The following PCNX4 variants were observed in gnomAD, a reference collection of about 807,000 sequenced individuals.
PCNX4 encodes the protein pecanex 4.
PCNX4 carries 103 observed loss-of-function variants against 107.2 expected under a neutral mutation model. The observed-to-expected ratio is 0.96, with a 90% CI of 0.82 to 1.13. The LOEUF is 1.13. PCNX4 is among the 50% of genes most tolerant of loss of function. PCNX4 has a pLI of 0.00. For missense variants in PCNX4, 1,528 were observed against 1,379.4 expected, an observed-to-expected ratio of 1.11 and a Z score of -1.71; for synonymous variants, 541 against 481.7, an observed-to-expected ratio of 1.12 and a Z score of -1.61.
intron 10 of PCNX4, among the ~76,000 whole-genome samples, chr14:60,129,227 C>T (rs892781132): frequency 3.1e-5 from 4 of 130,368 alleles, no homozygotes; most frequent in East Asian, 4.6e-4. Flanking sequence ...GCAACAAGAG[C>T]GAGACTCCAT....
intron 1 of PCNX4, among the ~76,000 whole-genome samples, chr14:60,099,306 G>C (rs1252549959): frequency 6.6e-6 from 1 of 152,072 alleles, no homozygotes; most frequent in Non-Finnish European, 1.5e-5. Context: ...TAAAACTTTG[G>C]TATATTTCCT....
chr14:60,106,078 C>G (rs893294498), intron 1 of PCNX4, among the ~76,000 whole-genome samples: 1 of 152,128 alleles, frequency 6.6e-6, no homozygotes, highest in South Asian at 2.1e-4. Context: ...CAAGCTCGTA[C>G]GGAGGGGAAG....
intron 6 of PCNX4, 133 bp from the exon 7 acceptor site, chr14:60,118,196 C>G: frequency 1.6e-6 from 2 of 1,247,572 alleles, no homozygotes; most frequent in Non-Finnish European, 2.1e-6. Flanking sequence ...ACAAAAAAAT[C>G]AAAGAATAAG....
In PCNX4 at chr14:60,107,742, G is replaced by T; in HGVS notation, c.104G>T (p.Cys35Phe). ...LGGPRFKLGY[C>F]APPYIYVNQI... ...GGCCCTCGATTCAAATTAGGCTATTGTGCCCCTCCTTACATATATGTTAAT... is the reference window on the plus strand; with the variant it reads ...GGCCCTCGATTCAAATTAGGCTATTTTGCCCCTCCTTACATATATGTTAAT... Residue 35 changes from cysteine to phenylalanine, a missense_variant, in exon 2 of 11, where the codon TGT (cysteine) becomes TTT (phenylalanine). By Grantham distance (205) the Cys-to-Phe change is radical. Transcript: ENST00000406854. 6.2e-7 allele frequency: 1 copy of T among 1,612,626 alleles called. No homozygotes were observed. The highest frequency in any genetic ancestry group is 2.2e-5 in the East Asian group (1 of 44,864).
At position 60,116,018 on chromosome 14, in the gene PCNX4, A is replaced by G. The variant is rs1265791221; in HGVS notation, c.1536A>G (p.Ile512Met). ...TACACTTGATCTCCAGTACAGACAT[A>G]TGGTGGAACAGAAGCCTGGATACAG... ...STVHLISSTD[I>M]WWNRSLDTGL... The change falls in exon 6 of 11, where the codon ATA becomes ATG. Residue 512 changes from isoleucine (I) to methionine (M), a missense_variant. By Grantham distance (10) the Ile-to-Met change is conservative (BLOSUM62 1). Coordinates refer to ENST00000406854, the MANE Select transcript of PCNX4 (RefSeq NM_001330177.2). The G allele has an allele frequency of 7.4e-6, 12 of 1,612,750 alleles. No individual in the cohort carries two copies. Among genetic ancestry groups the G allele is most frequent in the South Asian group, 1.1e-5 (1 of 90,766 alleles).
intron 7 of PCNX4, among the ~76,000 whole-genome samples, chr14:60,120,437 G>A (rs183497429): frequency 3.9e-5 from 6 of 152,192 alleles, no homozygotes; most frequent in Admixed American, 3.9e-4. Flanking sequence ...TATCAGGTAG[G>A]GGGTTCCCAG....
chr14:60,117,224 T>C (rs146312821), intron 6 of PCNX4, among the ~76,000 whole-genome samples: 4 of 152,206 alleles, frequency 2.6e-5, no homozygotes, highest in African/African-American at 7.2e-5. Flanking sequence ...CTCACTCACT[T>C]AGAGCAACTT....
intron 1 of PCNX4, among the ~76,000 whole-genome samples, chr14:60,094,225 C>G (rs889916893): frequency 6.6e-6 from 1 of 152,106 alleles, no homozygotes; most frequent in Non-Finnish European, 1.5e-5. Context: ...GTACTGGATA[C>G]CAACCCCCTC....
intron 1 of PCNX4, among the ~76,000 whole-genome samples, chr14:60,103,485 G>T (rs577414367): frequency 9.9e-5 from 15 of 152,224 alleles, no homozygotes; most frequent in African/African-American, 3.6e-4. Context: ...TATTCTGTGG[G>T]ATATATGATC....
At position 60,140,671 on chromosome 14, in the gene PCNX4, T is replaced by G. The variant is rs1224093860; in HGVS notation, c.*6450T>G. 6.6e-6 allele frequency: 1 copy of G among 151,898 alleles called. No individual in the cohort carries two copies. The highest frequency in any genetic ancestry group is 2.4e-5 in the African/African-American group (1 of 41,322). 9.4% of individuals were successfully genotyped at this position (151,898 alleles called of 1,614,324 possible). ...CAAGTTGGGTTTCTTCCTGAAAAAG[T>G]GAGGTTGGTGTGATAGTTGCAAATC... On this transcript the variant is annotated 3_prime_UTR_variant, in exon 11 of 11. Transcript: ENST00000406854. The surrounding 1 kb of genome is among the most constrained non-coding windows in gnomAD (Gnocchi z 4.2).
chr14:60,141,503 TATACAC>T lies in PCNX4; in HGVS notation c.*7285_*7290del, dbSNP rs1301466223. On this transcript the variant is annotated 3_prime_UTR_variant, in exon 11 of 11. Transcript: ENST00000406854. ...TGAGGAAATACTGTAACTTTCGGCT[TATACAC>T]ATGACAACTTAGAAGAAATAATCTG... is the stretch of plus-strand genomic sequence containing the variant. The T allele has an allele frequency of 2.0e-5, 3 of 152,368 alleles. No individual in the cohort carries two copies. The highest frequency in any genetic ancestry group is 7.2e-5 in the African/African-American group (3 of 41,582). The allele number at this position is 152,368 out of a possible 1,614,324, so 9.4% of individuals were successfully genotyped here.
intron 2 of PCNX4, among the ~76,000 whole-genome samples, chr14:60,111,765 A>C (rs1413913290): frequency 6.6e-6 from 1 of 152,162 alleles, no homozygotes; most frequent in African/African-American, 2.4e-5. Flanking sequence ...ATATAGTTTT[A>C]ATGTTTAAGA....
chr14:60,127,607 A>G lies in PCNX4; in HGVS notation c.3267+1784A>G, dbSNP rs76876623. On this transcript the variant is annotated intron_variant, in intron 10 of 10. Coordinates refer to ENST00000406854, the MANE Select transcript of PCNX4 (RefSeq NM_001330177.2). ...ACTACAATAAGCCAGCCAATCACTA[A>G]ACAAACAAGTACATAATAATAACAA... Among the ~76,000 whole-genome samples the G allele has an allele frequency of 3.3e-3, 507 of 152,334 alleles. 17 individuals are homozygous for G. The East Asian group carries it at 0.056, about 17-fold the overall frequency.
At chr14:60,105,740 A>G (rs1010472408) in intron 1 of PCNX4, among the ~76,000 whole-genome samples, 9 of 152,240 alleles carry the variant, frequency 5.9e-5, no homozygotes, top group African/African-American at 2.2e-4. Flanking sequence ...GAATAGGGAT[A>G]CTAACATTCA....
In PCNX4 at chr14:60,146,519, A is replaced by C. The variant is rs1896410430; in HGVS notation, c.*12298A>C. ...AAATAGAATTACCATCTGATCCAGC[A>C]ATTCCACTTAAGGGTATAAATCTAA... On this transcript the variant is annotated 3_prime_UTR_variant, in exon 11 of 11. Coordinates refer to ENST00000406854, the MANE Select transcript of PCNX4 (RefSeq NM_001330177.2). The surrounding 1 kb of genome is among the most constrained non-coding windows in gnomAD (Gnocchi z 4.9). The C allele has an allele frequency of 1.3e-5, 2 of 152,330 alleles. No homozygotes were observed. Among genetic ancestry groups the C allele is most frequent in the South Asian group, 2.1e-4 (1 of 4,830 alleles). The allele number at this position is 152,330 out of a possible 1,614,324, so 9.4% of individuals were successfully genotyped here. A position where few individuals can be genotyped will look rare whatever the true frequency, so the allele number is the denominator to read the frequency against.
At chr14:60,107,521 GT>G in intron 1 of PCNX4, 64 bp from the exon 2 acceptor site, 1 of 889,832 alleles carries the variant, frequency 1.1e-6, no homozygotes, top group South Asian at 1.9e-5. Context: ...GTAATGTGAG[GT>G]TTTTCCTCAT....
At chr14:60,130,464 A>G (rs1282650829) in intron 10 of PCNX4, among the ~76,000 whole-genome samples, 5 of 152,160 alleles carry the variant, frequency 3.3e-5, no homozygotes, top group African/African-American at 7.2e-5. Context: ...AAAAACTCAC[A>G]GTGAACATCA....
Position 60,108,219 on chromosome 14 carries a change from A to G in PCNX4, c.581A>G (p.Asn194Ser). ...ATAGCAGAATATTCTTTAATTGTAAACACAGCTACAGAGACTGCGACTTTC... is the reference window on the plus strand; with the variant it reads ...ATAGCAGAATATTCTTTAATTGTAAGCACAGCTACAGAGACTGCGACTTTC... Reference protein sequence around the residue: ...LCIAEYSLIVNTATETATFQT... With the variant: ...LCIAEYSLIVSTATETATFQT... The change falls in exon 2 of 11, where the codon AAC (asparagine) becomes AGC (serine). Residue 194 changes from asparagine (N) to serine (S), a missense_variant. By Grantham distance (46) the Asn-to-Ser change is conservative. Coordinates refer to ENST00000406854, the MANE Select transcript of PCNX4 (RefSeq NM_001330177.2). 6.2e-7 allele frequency: 1 copy of G among 1,612,730 alleles called. No individual in the cohort carries two copies. The highest frequency in any genetic ancestry group is 8.5e-7 in the Non-Finnish European group (1 of 1,179,748).
chr14:60,117,653 C>T (rs1216545563), intron 6 of PCNX4, among the ~76,000 whole-genome samples: 2 of 152,136 alleles, frequency 1.3e-5, no homozygotes, highest in Admixed American at 1.3e-4. Flanking sequence ...TGGCCAGACA[C>T]GGTGGATCAC....
Sources: allele counts gnomAD v4.1 joint callset (sites outside exome capture counted in the v4.1 genomes callset), GRCh38; gene constraint gnomAD v4.1.1; non-coding constraint Gnocchi (gnomAD v3.1); transcripts MANE v1.5; gene names NCBI Gene and HGNC (gene_info 2026-07-23, HGNC 2026-07-21).